Variants in VKORC1L1 observed in about 807,000 individuals in gnomAD.
VKORC1L1 encodes vitamin K epoxide reductase complex subunit 1L1, also known as vitamin K epoxide reductase complex subunit 1-like protein 1.
A neutral mutation model predicts 18.9 loss-of-function variants in VKORC1L1; 2 were observed. The observed-to-expected ratio is 0.11, with a 90% confidence interval of 0.04 to 0.33. The LOEUF (loss-of-function observed/expected upper bound fraction) is 0.33, where lower values mean the gene tolerates loss of function less well. VKORC1L1 is among the 10% of genes least tolerant of loss of function. The pLI is 1.00. For missense variants in VKORC1L1, 123 were observed against 224.1 expected, an observed-to-expected ratio of 0.55 and a Z score of 2.88; for synonymous variants, 96 against 100.0, an observed-to-expected ratio of 0.96 and a Z score of 0.24.
At chr7:65,866,327 C>A in the VKORC1L1 span, among the ~76,000 whole-genome samples, 1 of 152,136 alleles carries the variant, frequency 6.6e-6, no homozygotes, top group Non-Finnish European at 1.5e-5. Flanking sequence ...AGAGAACATG[C>A]ACGTTCATTA....
intron 1 of VKORC1L1, among the ~76,000 whole-genome samples, chr7:65,924,587 G>A (rs1789729136): frequency 6.6e-6 from 1 of 152,188 alleles, no homozygotes; most frequent in Non-Finnish European, 1.5e-5. Flanking sequence ...ACAAAAACAA[G>A]CAGTGGGCTA....
chr7:65,957,731 CT>C lies in VKORC1L1; in HGVS notation c.*3432del, dbSNP rs1254316410. On this transcript the variant is annotated 3_prime_UTR_variant, in exon 3 of 3. Transcript: ENST00000360768. ...CCTGTAATGCCAGCTCCTCCAGAGG[CT>C]GAGGCAGGAGAATTGCTTGAACCCA... is the stretch of plus-strand genomic sequence containing the variant. 6.6e-6 allele frequency: 1 copy of C among 152,148 alleles called. No homozygotes were observed. The highest frequency in any genetic ancestry group is 2.4e-5 in the African/African-American group (1 of 41,400). 9.4% of individuals were successfully genotyped at this position (152,148 alleles called of 1,614,324 possible). A position where few individuals can be genotyped will look rare whatever the true frequency, so the allele number is the denominator to read the frequency against.
At chr7:65,888,592 G>C (rs113482822) in intron 1 of VKORC1L1, among the ~76,000 whole-genome samples, 3,049 of 151,708 alleles carry the variant, frequency 0.02, 58 homozygotes, top group East Asian at 0.087. Context: ...CTCTTCTACC[G>C]AAGCTGCAGG....
chr7:65,893,016 C>T (rs565608648), intron 1 of VKORC1L1, among the ~76,000 whole-genome samples: 145 of 152,234 alleles, frequency 9.5e-4, no homozygotes, highest in African/African-American at 3.3e-3. Flanking sequence ...TTCCAGAGGC[C>T]GCATGAAATG....
Position 65,923,543 on chromosome 7 carries a change from A to G in VKORC1L1, c.195-25128A>G, listed in dbSNP as rs186657314. On this transcript the variant is annotated intron_variant, in intron 1 of 2. Transcript: ENST00000360768. Reference sequence around the variant, plus strand: ...AGGTTGGCAGGTGGCAACAGAGAGCAGTGGCTGGAGCATATGTAGTTATAT... The same window carrying G: ...AGGTTGGCAGGTGGCAACAGAGAGCGGTGGCTGGAGCATATGTAGTTATAT... Among the ~76,000 whole-genome samples, 290 of 152,328 alleles carry G rather than the reference A, an allele frequency of 1.9e-3. 3 individuals are homozygous for G. The highest frequency in any genetic ancestry group is 6.8e-3 in the African/African-American group (282 of 41,582).
chr7:65,866,900 TAGA>T, the VKORC1L1 span, among the ~76,000 whole-genome samples: 7 of 151,092 alleles, frequency 4.6e-5, no homozygotes, highest in East Asian at 1.9e-4. Context: ...GAAGAAAAAA[TAGA>T]AGAAGAGCTG....
At chr7:65,923,574 C>T (rs1464800123) in intron 1 of VKORC1L1, among the ~76,000 whole-genome samples, 1 of 152,010 alleles carries the variant, frequency 6.6e-6, no homozygotes, top group Non-Finnish European at 1.5e-5. Context: ...TATATGGAAA[C>T]ACACCTCCAA....
Position 65,954,241 on chromosome 7 carries a change from A to G in VKORC1L1, c.472A>G (p.Lys158Glu), listed in dbSNP as rs1453541570. The G allele has an allele frequency of 6.2e-7, 1 of 1,614,110 alleles. No homozygotes were observed. Among genetic ancestry groups the G allele is most frequent in the East Asian group, 2.2e-5 (1 of 44,876 alleles). The part of the protein sequence containing the change: ...LNFLLLIINY[K>E]RLVYLNEAWK... ...CTTCCTTCTTCTCATTATCAACTACAAACGACTAGTTTACTTGAACGAGGC... is the reference window on the plus strand; with the variant it reads ...CTTCCTTCTTCTCATTATCAACTACGAACGACTAGTTTACTTGAACGAGGC... The change falls in exon 3 of 3, where the codon AAA becomes GAA. Residue 158 changes from lysine (K) to glutamate (E), a missense_variant. Transcript: ENST00000360768.
chr7:65,872,681 T>TA (rs979834342), upstream of VKORC1L1, among the ~76,000 whole-genome samples: 3 of 151,000 alleles, frequency 2.0e-5, no homozygotes, highest in South Asian at 2.1e-4. Flanking sequence ...TTTTGCACAT[T>TA]AAAAAAAAAG....
chr7:65,901,379 C>G (rs1431998226), intron 1 of VKORC1L1, among the ~76,000 whole-genome samples: 2 of 152,158 alleles, frequency 1.3e-5, no homozygotes, highest in Admixed American at 6.5e-5. Flanking sequence ...CAACAAGATA[C>G]AAATTGAGAA....
intron 1 of VKORC1L1, among the ~76,000 whole-genome samples, chr7:65,904,608 A>G (rs571311203): frequency 1.8e-4 from 27 of 152,332 alleles, no homozygotes; most frequent in African/African-American, 5.3e-4. Context: ...AACAACTACC[A>G]TAAAAATTAA....
Position 65,954,548 on chromosome 7 carries a change from G to GC in VKORC1L1, c.*248_*249insC. The GC allele has an allele frequency of 1.6e-6, 1 of 641,720 alleles. No individual in the cohort carries two copies. The highest frequency in any genetic ancestry group is 2.4e-6 in the Non-Finnish European group (1 of 417,292). The allele number at this position is 641,720 out of a possible 1,614,324, so 39.8% of individuals were successfully genotyped here. ...CAAAGACAAGCTTTAACTTTACTTT[G>GC]AAGTGTTTCTGAAATGATAAAATGT... On this transcript the variant is annotated 3_prime_UTR_variant, in exon 3 of 3. Coordinates refer to ENST00000360768, the MANE Select transcript of VKORC1L1 (RefSeq NM_173517.6).
intron 1 of VKORC1L1, among the ~76,000 whole-genome samples, chr7:65,881,488 A>G (rs1056117438): frequency 3.3e-5 from 5 of 152,204 alleles, no homozygotes; most frequent in Non-Finnish European, 5.9e-5. Flanking sequence ...GCTAGGAGTT[A>G]GGAATGGGAG....
chr7:65,913,969 A>T (rs1789545152), intron 1 of VKORC1L1, among the ~76,000 whole-genome samples: 1 of 152,072 alleles, frequency 6.6e-6, no homozygotes, highest in African/African-American at 2.4e-5. Context: ...GAATGACTAC[A>T]AGTGGGAATT....
At chr7:65,896,857 G>A (rs1411132213) in intron 1 of VKORC1L1, among the ~76,000 whole-genome samples, 3 of 152,086 alleles carry the variant, frequency 2.0e-5, no homozygotes, top group Admixed American at 6.6e-5. Context: ...AAATTAGCCA[G>A]GTGTAGTGGC....
chr7:65,932,889 C>A (rs1193719886), intron 1 of VKORC1L1, among the ~76,000 whole-genome samples: 1 of 151,890 alleles, frequency 6.6e-6, no homozygotes, highest in African/African-American at 2.4e-5. Flanking sequence ...ACCAGCCTGG[C>A]CAAGATGATG....
At chr7:65,938,345 G>C (rs1027674021) in intron 1 of VKORC1L1, among the ~76,000 whole-genome samples, 83 of 152,168 alleles carry the variant, frequency 5.5e-4, no homozygotes, top group African/African-American at 1.9e-3. Context: ...GTTTGGGAGA[G>C]TATATCATGG....
intron 1 of VKORC1L1, among the ~76,000 whole-genome samples, chr7:65,929,286 AC>A (rs1440630854): frequency 6.6e-6 from 1 of 152,032 alleles, no homozygotes; most frequent in Non-Finnish European, 1.5e-5. Context: ...GGTGGGAGGC[AC>A]CTGTAATCCA....
chr7:65,925,731 A>G (rs867882968), intron 1 of VKORC1L1, among the ~76,000 whole-genome samples: 26 of 152,172 alleles, frequency 1.7e-4, no homozygotes, highest in Admixed American at 7.2e-4. Flanking sequence ...GAGTAAGTGC[A>G]TTTTAGATTC....
Sources: allele counts gnomAD v4.1 joint callset (sites outside exome capture counted in the v4.1 genomes callset), GRCh38; gene constraint gnomAD v4.1.1; transcripts MANE v1.5; gene names NCBI Gene and HGNC (gene_info 2026-07-23, HGNC 2026-07-21).